Variants in IMPA1 observed in about 807,000 individuals in gnomAD.
The protein encoded by IMPA1 is inositol monophosphatase 1.
In IMPA1, 21 loss-of-function variants were observed where a neutral mutation model predicts 34.9. The ratio of observed to expected loss-of-function variants is 0.60; its 90% CI spans 0.43 to 0.87. The LOEUF (loss-of-function observed/expected upper bound fraction) is 0.87. Among genes scored for constraint, IMPA1 ranks in the 40% least tolerant of loss-of-function variants. IMPA1 has a pLI of 0.00. For synonymous variants in IMPA1, 95 were observed against 104.4 expected (o/e 0.91, Z 0.55); for missense variants, 299 against 336.4 (o/e 0.89, Z 0.87).
intron 7 of IMPA1, among the ~76,000 whole-genome samples, chr8:81,666,205 T>G: frequency 6.6e-6 from 1 of 152,124 alleles, no homozygotes; most frequent in East Asian, 1.9e-4. Context: ...AGTAAATAGT[T>G]AAGTAAGAAA....
intron 1 of IMPA1, among the ~76,000 whole-genome samples, chr8:81,684,277 A>G (rs1036948573): frequency 2.1e-5 from 3 of 143,286 alleles, no homozygotes; most frequent in Non-Finnish European, 4.5e-5. Flanking sequence ...TATACCATAC[A>G]TAAGTATATT....
intron 7 of IMPA1, among the ~76,000 whole-genome samples, chr8:81,670,348 A>C (rs1267174399): frequency 6.6e-6 from 1 of 151,778 alleles, no homozygotes; most frequent in Non-Finnish European, 1.5e-5. Flanking sequence ...ATTATAATAA[A>C]TTTTCTAATC....
intron 6 of IMPA1, 74 bp downstream of exon 6, chr8:81,673,767 T>C (rs1272522814): frequency 4.8e-6 from 4 of 824,868 alleles, no homozygotes; most frequent in African/African-American, 1.7e-5. Context: ...GAGAATTCCA[T>C]AGGTGAATAT....
chr8:81,660,547 A>G lies in IMPA1; in HGVS notation c.687T>C (p.Thr229=), dbSNP rs200393051. Reference sequence around the variant, plus strand: ...CATCCATTAGCACGCCACCAGCTTCAGTAACAATAATGCCAGCTCCTGCAA... The same window carrying G: ...CATCCATTAGCACGCCACCAGCTTCGGTAACAATAATGCCAGCTCCTGCAA... ...WDVAGAGIIV[T]EAGGVLMDVT... The change falls in exon 8 of 9, where the codon ACT becomes ACC. Residue 229 remains threonine, a synonymous_variant. Transcript: ENST00000256108. 5.0e-6 allele frequency: 8 copies of G among 1,613,786 alleles called. No homozygotes were observed. In the African/African-American group the frequency reaches 9.3e-5, roughly 19 times the overall value.
intron 3 of IMPA1, among the ~76,000 whole-genome samples, chr8:81,679,679 T>A (rs1807236009): frequency 6.6e-6 from 1 of 152,092 alleles, no homozygotes; most frequent in African/African-American, 2.4e-5. Context: ...TTCTTCTTCC[T>A]TCAGGTAAAG....
At chr8:81,664,309 C>T (rs774529637) in intron 7 of IMPA1, among the ~76,000 whole-genome samples, 123 of 152,082 alleles carry the variant, frequency 8.1e-4, no homozygotes, top group Middle Eastern at 3.2e-3. Context: ...CCATAGGACC[C>T]ATTCTTTCAG....
chr8:81,681,678 G>T (rs1585904118), intron 1 of IMPA1, 94 bp from the exon 2 acceptor site: 2 of 721,380 alleles, frequency 2.8e-6, no homozygotes, highest in Admixed American at 2.2e-5. Flanking sequence ...GTCATTTCAG[G>T]ATTCACCCCC....
chr8:81,668,176 C>T (rs1378045765), intron 7 of IMPA1, among the ~76,000 whole-genome samples: 1 of 152,064 alleles, frequency 6.6e-6, no homozygotes, highest in African/African-American at 2.4e-5. Flanking sequence ...ATTAGGGTAT[C>T]TGGCAGAAAA....
intron 7 of IMPA1, 83 bp from the exon 8 acceptor site, chr8:81,660,750 C>T (rs1429632312): frequency 2.1e-5 from 24 of 1,119,944 alleles, no homozygotes; most frequent in Non-Finnish European, 2.8e-5. Flanking sequence ...CTTTAAGTGT[C>T]GATTGAAGAA....
At chr8:81,683,939 A>G (rs1807378814) in intron 1 of IMPA1, among the ~76,000 whole-genome samples, 1 of 152,160 alleles carries the variant, frequency 6.6e-6, no homozygotes, top group African/African-American at 2.4e-5. Context: ...TTTCTCCTGT[A>G]TATGGGGCAA....
Position 81,659,261 on chromosome 8 carries a change from C to T in IMPA1, c.*90G>A. 2.6e-6 allele frequency: 2 copies of T among 765,838 alleles called. No individual in the cohort carries two copies. Among genetic ancestry groups the T allele is most frequent in the Non-Finnish European group, 4.6e-6 (2 of 433,020 alleles). 47.4% of individuals were successfully genotyped at this position (765,838 alleles called of 1,614,324 possible). ...TGACCTGGACAAAGAGAATTTAAAC[C>T]AAGCATATCATACATCCAAAACACA... On this transcript the variant is annotated 3_prime_UTR_variant, in exon 9 of 9. Coordinates refer to ENST00000256108, the MANE Select transcript of IMPA1 (RefSeq NM_005536.4).
intron 4 of IMPA1, among the ~76,000 whole-genome samples, chr8:81,677,965 C>T (rs1170393430): frequency 6.6e-6 from 1 of 152,164 alleles, no homozygotes; most frequent in Non-Finnish European, 1.5e-5. Context: ...CATATACCTA[C>T]TCTGTGTCGG....
chr8:81,680,753 T>A lies in IMPA1; in HGVS notation c.94A>T (p.Asn32Tyr), dbSNP rs985163651. The change falls in exon 3 of 9, where the codon AAT becomes TAT. Residue 32 changes from asparagine (N) to tyrosine (Y), a missense_variant. By Grantham distance (143) the Asn-to-Tyr change is moderately radical. Transcript: ENST00000256108. ...VVCEAIKNEM[N>Y]VMLKSSPVDL... is the part of the protein sequence containing the mutation. ...ACTGGAGAACTTTTCAGCATAACATTCATTTCATTTTTTATAGCTTCACAA... is the reference window on the plus strand; with the variant it reads ...ACTGGAGAACTTTTCAGCATAACATACATTTCATTTTTTATAGCTTCACAA... 6.2e-7 allele frequency: 1 copy of A among 1,608,716 alleles called. No individual in the cohort carries two copies. Among genetic ancestry groups the A allele is most frequent in the Non-Finnish European group, 8.5e-7 (1 of 1,175,694 alleles).
intron 8 of IMPA1, among the ~76,000 whole-genome samples, 166 bp from the exon 9 acceptor site, chr8:81,659,632 AT>A: frequency 6.6e-6 from 1 of 152,216 alleles, no homozygotes; most frequent in Non-Finnish European, 1.5e-5. Context: ...TAGACAATAT[AT>A]AACTGTTTCT....
intron 4 of IMPA1, among the ~76,000 whole-genome samples, chr8:81,676,593 T>C (rs1359242158): frequency 6.6e-6 from 1 of 152,212 alleles, no homozygotes; most frequent in African/African-American, 2.4e-5. Context: ...TCTCCAGAGA[T>C]GGATCCTGGG....
chr8:81,661,732 GT>G (rs1164420184), intron 7 of IMPA1, among the ~76,000 whole-genome samples: 1 of 152,200 alleles, frequency 6.6e-6, no homozygotes, highest in African/African-American at 2.4e-5. Context: ...ATGTATCCAT[GT>G]TAATTCCCTT....
chr8:81,680,798 T>A lies in IMPA1; in HGVS notation c.64-15A>T. On this transcript the variant is annotated splice_polypyrimidine_tract_variant and intron_variant, in intron 2 of 8. Coordinates refer to ENST00000256108, the MANE Select transcript of IMPA1 (RefSeq NM_005536.4). The stretch of plus-strand genomic sequence containing the variant: ...TCACAAACTACCTAAAAAGAGGTTT[T>A]GGTAAGCAAATAGAAAAGGCATAAT... The A allele has an allele frequency of 6.4e-7, 1 of 1,573,250 alleles. No homozygotes were observed. The highest frequency in any genetic ancestry group is 8.7e-7 in the Non-Finnish European group (1 of 1,152,596).
chr8:81,666,651 A>C (rs1413901015), intron 7 of IMPA1, among the ~76,000 whole-genome samples: 1 of 152,156 alleles, frequency 6.6e-6, no homozygotes, highest in Admixed American at 6.5e-5. Flanking sequence ...AGGTGGGTGG[A>C]TCACTTGAGG....
chr8:81,679,179 G>A lies in IMPA1; in HGVS notation c.249C>T (p.Asp83=). The part of the protein sequence containing the change: ...VAAGEKSILT[D]NPTWIIDPID... ...TAGGGTCAATGATCCATGTGGGGTT[G>A]TCGGTTAAGATACTTTTTTCCCCAG... Residue 83 remains aspartate (D), a synonymous_variant, in exon 4 of 9, where the codon GAC becomes GAT. Coordinates refer to ENST00000256108, the MANE Select transcript of IMPA1 (RefSeq NM_005536.4). 2 of 1,614,022 alleles carry A rather than the reference G, an allele frequency of 1.2e-6. No homozygotes were observed. Among genetic ancestry groups the A allele is most frequent in the South Asian group, 1.1e-5 (1 of 91,078 alleles).
Sources: allele counts gnomAD v4.1 joint callset (sites outside exome capture counted in the v4.1 genomes callset), GRCh38; gene constraint gnomAD v4.1.1; transcripts MANE v1.5; gene names NCBI Gene and HGNC (gene_info 2026-07-23, HGNC 2026-07-21).